The following PLCL2 variants were observed in gnomAD, a reference collection of about 807,000 sequenced individuals.
PLCL2 encodes phospholipase C like 2, also known as inactive phospholipase C-like protein 2.
PLCL2 carries 4 observed loss-of-function variants against 79.6 expected under a neutral mutation model. That is an observed-to-expected ratio of 0.05 (90% CI 0.02 to 0.11). PLCL2 has a LOEUF of 0.11. Ranked by LOEUF, PLCL2 falls within the 10% of genes least tolerant of loss-of-function variation. The pLI, the probability that PLCL2 is intolerant of heterozygous loss-of-function variation, is 1.00. For missense variants in PLCL2, 895 were observed against 1,291.0 expected (o/e 0.69, Z 4.70); for synonymous variants, 484 against 457.7 (o/e 1.06, Z -0.73).
intron 1 of PLCL2, among the ~76,000 whole-genome samples, chr3:16,979,234 A>G (rs115082743): frequency 0.021 from 3,188 of 152,130 alleles, 55 homozygotes; most frequent in South Asian, 0.043. Context: ...TTTAATTCTC[A>G]TGGCTATGTT....
At chr3:17,036,436 T>G (rs1287413800) in intron 3 of PLCL2, among the ~76,000 whole-genome samples, 1 of 152,244 alleles carries the variant, frequency 6.6e-6, no homozygotes, top group African/African-American at 2.4e-5. Context: ...AACTTACCTC[T>G]GGATTTCAGT....
chr3:17,024,222 T>C (rs987181540), intron 3 of PLCL2, among the ~76,000 whole-genome samples: 5 of 152,170 alleles, frequency 3.3e-5, no homozygotes, highest in Non-Finnish European at 4.4e-5. Flanking sequence ...CATTTTTTCG[T>C]AGAGCATCCT....
intron 3 of PLCL2, among the ~76,000 whole-genome samples, chr3:17,032,774 C>G (rs1048434776): frequency 6.6e-6 from 1 of 152,232 alleles, no homozygotes; most frequent in South Asian, 2.1e-4. Flanking sequence ...TATGCTGTAT[C>G]CAAATGGTTA....
intron 1 of PLCL2, among the ~76,000 whole-genome samples, chr3:16,899,279 T>G (rs1160972317): frequency 6.6e-6 from 1 of 152,234 alleles, no homozygotes; most frequent in Non-Finnish European, 1.5e-5. Context: ...GTTGAGCATC[T>G]ACCTTCACAA....
intron 1 of PLCL2, among the ~76,000 whole-genome samples, chr3:16,991,986 A>G (rs973626344): frequency 6.6e-6 from 1 of 152,216 alleles, no homozygotes; most frequent in South Asian, 2.1e-4. Context: ...CTTAAGTGCC[A>G]TGAGCCACAG....
At chr3:16,930,408 A>G (rs546303689) in intron 1 of PLCL2, among the ~76,000 whole-genome samples, 1 of 152,328 alleles carries the variant, frequency 6.6e-6, no homozygotes, top group African/African-American at 2.4e-5. Flanking sequence ...GCTGTGTTTG[A>G]AAGTCTCCTA....
chr3:16,917,569 C>G (rs996632377), intron 1 of PLCL2, among the ~76,000 whole-genome samples: 1 of 152,086 alleles, frequency 6.6e-6, no homozygotes, highest in Non-Finnish European at 1.5e-5. Flanking sequence ...GGTACCTTTG[C>G]AGGGATAGCA....
intron 1 of PLCL2, among the ~76,000 whole-genome samples, chr3:16,897,696 C>T (rs1192696082): frequency 2.6e-5 from 4 of 152,170 alleles, no homozygotes; most frequent in Non-Finnish European, 4.4e-5. Context: ...TCCAGTGCTC[C>T]GCCCGAGGGT....
At position 16,954,295 on chromosome 3, in the gene PLCL2, C is replaced by G. The variant is rs531194341; in HGVS notation, c.328-55379C>G. The stretch of plus-strand genomic sequence containing the variant: ...TGCGGTGTTTGGTTTTTTGTCCTTG[C>G]GATAGTTTGCTGAGAATGATGGTTT... On this transcript the variant is annotated intron_variant, in intron 1 of 5. Coordinates refer to ENST00000615277, the MANE Select transcript of PLCL2 (RefSeq NM_001144382.2). 6.6e-5 allele frequency among the ~76,000 whole-genome samples: 10 copies of G among 152,144 alleles called. No individual in the cohort carries two copies. The East Asian group carries it at 1.5e-3, about 24-fold the overall frequency.
intron 4 of PLCL2, among the ~76,000 whole-genome samples, chr3:17,055,109 A>G (rs893819591): frequency 6.6e-6 from 1 of 152,220 alleles, no homozygotes; most frequent in African/African-American, 2.4e-5. Context: ...TACAGGACAC[A>G]TAAATTGTAG....
intron 3 of PLCL2, among the ~76,000 whole-genome samples, chr3:17,039,147 T>A (rs1256659188): frequency 6.6e-6 from 1 of 152,248 alleles, no homozygotes; most frequent in Non-Finnish European, 1.5e-5. Context: ...CCAACACTTG[T>A]ACTATTTATA....
chr3:17,053,293 T>A (rs2064860567), intron 4 of PLCL2, among the ~76,000 whole-genome samples: 1 of 152,102 alleles, frequency 6.6e-6, no homozygotes, highest in African/African-American at 2.4e-5. Flanking sequence ...CCATCTTACA[T>A]GGCTGGAGCA....
chr3:16,944,024 A>G (rs892738852), intron 1 of PLCL2, among the ~76,000 whole-genome samples: 5 of 152,162 alleles, frequency 3.3e-5, no homozygotes, highest in East Asian at 1.9e-4. Context: ...GGAATAGGCA[A>G]TGGTTAAGGG....
At chr3:16,934,605 T>G (rs933117631) in intron 1 of PLCL2, among the ~76,000 whole-genome samples, 4 of 151,572 alleles carry the variant, frequency 2.6e-5, no homozygotes, top group Non-Finnish European at 5.9e-5. Context: ...GAGTGGGAGG[T>G]TATTTGATTT....
chr3:16,992,391 A>T (rs1371146809), intron 1 of PLCL2, among the ~76,000 whole-genome samples: 1 of 152,110 alleles, frequency 6.6e-6, no homozygotes, highest in Non-Finnish European at 1.5e-5. Flanking sequence ...TCCCTTTGTG[A>T]AGGGAACCAC....
intron 3 of PLCL2, among the ~76,000 whole-genome samples, chr3:17,030,461 A>G (rs1360528870): frequency 6.6e-6 from 1 of 152,150 alleles, no homozygotes; most frequent in East Asian, 1.9e-4. Flanking sequence ...GTCATGCCCC[A>G]CTTTGTTATT....
chr3:16,965,608 G>T (rs1264639522), intron 1 of PLCL2, among the ~76,000 whole-genome samples: 1 of 151,890 alleles, frequency 6.6e-6, no homozygotes, highest in Non-Finnish European at 1.5e-5. Context: ...AAATTACCTT[G>T]GGCAGTATGG....
At chr3:17,058,653 A>G (rs925128590) in intron 4 of PLCL2, among the ~76,000 whole-genome samples, 11 of 152,164 alleles carry the variant, frequency 7.2e-5, no homozygotes, top group Admixed American at 2.6e-4. Context: ...CTATCATTGC[A>G]AAGGTGATCT....
chr3:16,892,865 A>T (rs73146909), intron 1 of PLCL2, among the ~76,000 whole-genome samples: 2,682 of 152,284 alleles, frequency 0.018, 84 homozygotes, highest in African/African-American at 0.061. Context: ...GAGAGGCTGT[A>T]AGAGGCAAAG....
Sources: gnomAD v4.1 joint callset for allele counts (sites outside exome capture counted in the v4.1 genomes callset) on GRCh38, gnomAD v4.1.1 for gene constraint, MANE v1.5 for transcripts, NCBI Gene and HGNC (gene_info 2026-07-23, HGNC 2026-07-21) for gene names.